The following SNRPN variants were observed in gnomAD, a reference collection of about 807,000 sequenced individuals.
SNRPN encodes small nuclear ribonucleoprotein polypeptide N.
SNRPN carries 7 observed loss-of-function variants against 25.2 expected under a neutral mutation model. The ratio of observed to expected loss-of-function variants is 0.28; its 90% CI spans 0.16 to 0.52. The LOEUF is 0.52. Among genes scored for constraint, SNRPN ranks in the 20% least tolerant of loss-of-function variants. The probability of loss-of-function intolerance (pLI) is 0.96; values close to 1 mark genes in which losing one functional copy is unlikely to be tolerated. For synonymous variants in SNRPN, 124 were observed against 110.6 expected (o/e 1.12, Z -0.76); for missense variants, 196 against 322.5 (o/e 0.61, Z 3.00).
chr15:24,896,335 G>A (rs1329883706), intron 2 of SNRPN, among the ~76,000 whole-genome samples: 2 of 152,086 alleles, frequency 1.3e-5, no homozygotes, highest in African/African-American at 2.4e-5. Context: ...AAAGGATATC[G>A]TTACTGTGTT....
intron 1 of SNRPN, among the ~76,000 whole-genome samples, chr15:24,864,240 G>T (rs1160185778): frequency 7.1e-6 from 1 of 140,310 alleles, no homozygotes; most frequent in African/African-American, 3.0e-5. Context: ...ATGTTAGCCA[G>T]GATGGTCTCG....
intron 2 of SNRPN, among the ~76,000 whole-genome samples, chr15:24,845,388 G>A (rs990959819): frequency 6.6e-6 from 1 of 152,064 alleles, no homozygotes; most frequent in Non-Finnish European, 1.5e-5. Context: ...ACCTGAGGTC[G>A]GGAGTTCGAG....
intron 1 of SNRPN, among the ~76,000 whole-genome samples, chr15:24,871,280 A>G (rs763581632): frequency 1.6e-4 from 24 of 151,994 alleles, no homozygotes; most frequent in Non-Finnish European, 3.2e-4. Flanking sequence ...TGATGTAGCG[A>G]CCATGCAGGA....
intron 2 of SNRPN, among the ~76,000 whole-genome samples, chr15:24,843,183 C>T (rs1329090125): frequency 6.6e-6 from 1 of 152,116 alleles, no homozygotes; most frequent in African/African-American, 2.4e-5. Context: ...AATGATTCTC[C>T]TGCCTCAGCC....
intron 2 of SNRPN, chr15:24,919,956 A>G (rs2059937906): frequency 6.6e-6 from 1 of 152,136 alleles, no homozygotes; most frequent in African/African-American, 2.4e-5. Flanking sequence ...AGATACATGT[A>G]CTTCTATTTT....
chr15:24,849,632 C>G (rs1174587614), intron 2 of SNRPN: 1 of 152,218 alleles, frequency 6.6e-6, no homozygotes, highest in Non-Finnish European at 1.5e-5. Context: ...ATGTCCACCT[C>G]CCCTTCATTT....
intron 2 of SNRPN, chr15:24,908,863 C>CTT (rs375733239): frequency 8.3e-6 from 5 of 599,112 alleles, no homozygotes; most frequent in Non-Finnish European, 1.1e-5. Flanking sequence ...TTTTCTTTTT[C>CTT]TTTTTTTTTG....
At position 24,919,051 on chromosome 15, in the gene SNRPN, G is replaced by A. The variant is rs146582494; in HGVS notation, c.-504-960G>A. Among the ~76,000 whole-genome samples the A allele has an allele frequency of 2.8e-4, 31 of 109,040 alleles. 1 individual carries two copies. Among genetic ancestry groups the A allele is most frequent in the South Asian group, 1.2e-3 (4 of 3,306 alleles). 71.5% of individuals were successfully genotyped at this position (109,040 alleles called of 152,430 possible). ...CATATATATATAACATAATATATAT[G>A]TGCGCATATATATATAACATAATAT... On this transcript the variant is annotated intron_variant, in intron 2 of 11. Coordinates refer to the SNRPN transcript ENST00000400097.
intron 2 of SNRPN, among the ~76,000 whole-genome samples, chr15:24,844,139 T>TGTGC (rs984318794): frequency 3.3e-5 from 5 of 151,942 alleles, no homozygotes; most frequent in African/African-American, 1.2e-4. Context: ...GTAGTGTGTG[T>TGTGC]GTGTGTGTGT....
At chr15:24,871,104 A>T (rs1400903158) in intron 1 of SNRPN, among the ~76,000 whole-genome samples, 4 of 151,886 alleles carry the variant, frequency 2.6e-5, no homozygotes, top group Non-Finnish European at 5.9e-5. Context: ...GCTGGTCTCA[A>T]ATACCTGACC....
intron 2 of SNRPN, chr15:24,967,183 T>G (rs932782876): frequency 1.3e-5 from 2 of 152,352 alleles, no homozygotes; most frequent in African/African-American, 4.8e-5. Context: ...CTGATGGTGT[T>G]TCTTCAAGGC....
chr15:24,835,142 ACTATATATAAAATATATAG>A (rs2051041061), intron 2 of SNRPN, among the ~76,000 whole-genome samples: 7 of 64,486 alleles, frequency 1.1e-4, no homozygotes, highest in Non-Finnish European at 2.2e-4. Context: ...AGATATATAT[ACTATATATAAAATATATAG>A]TATATATATG....
intron 2 of SNRPN, among the ~76,000 whole-genome samples, chr15:24,838,926 TG>T (rs766542046): frequency 3.9e-5 from 6 of 151,972 alleles, no homozygotes; most frequent in Non-Finnish European, 7.4e-5. Context: ...GGGCCCTTTC[TG>T]GGGTTTTATG....
At chr15:24,889,423 CTCCT>C in intron 2 of SNRPN, among the ~76,000 whole-genome samples, 1 of 152,178 alleles carries the variant, frequency 6.6e-6, no homozygotes, top group East Asian at 2.0e-4. Flanking sequence ...TTGCCTCAGC[CTCCT>C]GAGTAGCTGG....
At chr15:24,969,131 T>C (rs2076071705) in intron 3 of SNRPN, among the ~76,000 whole-genome samples, 1 of 152,086 alleles carries the variant, frequency 6.6e-6, no homozygotes, top group Non-Finnish European at 1.5e-5. Context: ...GAGTTATTAA[T>C]TAATTTATTT....
At chr15:24,964,095 T>A (rs1044531398) in intron 2 of SNRPN, among the ~76,000 whole-genome samples, 1 of 114,600 alleles carries the variant, frequency 8.7e-6, no homozygotes, top group Non-Finnish European at 1.7e-5. Flanking sequence ...AGGGTAAAGA[T>A]TTTTTTTTTA....
At position 24,978,516 on chromosome 15, in the gene SNRPN, A is replaced by G. The variant is rs1446307237; in HGVS notation, c.*72A>G. On this transcript the variant is annotated 3_prime_UTR_variant, in exon 10 of 10. Coordinates refer to ENST00000390687, the MANE Select transcript of SNRPN (RefSeq NM_003097.6). Reference sequence around the variant, plus strand: ...TGTGAAATTGTGTAGAGTGTTTGTGAGCTTTTTGTTCCCTCATTCTGCATT... The same window carrying G: ...TGTGAAATTGTGTAGAGTGTTTGTGGGCTTTTTGTTCCCTCATTCTGCATT... 5 of 1,366,672 alleles carry G rather than the reference A, an allele frequency of 3.7e-6. No homozygotes were observed. Among genetic ancestry groups the G allele is most frequent in the Non-Finnish European group, 5.2e-6 (5 of 958,252 alleles). 84.7% of individuals were successfully genotyped at this position (1,366,672 alleles called of 1,614,324 possible). A position where few individuals can be genotyped will look rare whatever the true frequency, so the allele number is the denominator to read the frequency against.
At chr15:24,863,307 A>G (rs918066978) in intron 1 of SNRPN, among the ~76,000 whole-genome samples, 1 of 150,698 alleles carries the variant, frequency 6.6e-6, no homozygotes, top group Non-Finnish European at 1.5e-5. Context: ...CCTCACAGGA[A>G]ACTGCAGATA....
intron 2 of SNRPN, among the ~76,000 whole-genome samples, chr15:24,898,267 C>A (rs1043518697): frequency 1.3e-5 from 2 of 152,156 alleles, no homozygotes; most frequent in Non-Finnish European, 2.9e-5. Flanking sequence ...TCATGTAGGT[C>A]ATTTCATCCG....
Sources: allele counts gnomAD v4.1 joint callset (sites outside exome capture counted in the v4.1 genomes callset), GRCh38; gene constraint gnomAD v4.1.1; transcripts MANE v1.5; gene names NCBI Gene and HGNC (gene_info 2026-07-23, HGNC 2026-07-21).